Variants in RFTN2 observed in about 807,000 individuals in gnomAD.
RFTN2 encodes the protein raftlin family member 2, also known as raftlin-2.
Under a neutral mutation model 52.7 loss-of-function variants are expected in RFTN2, and 34 were observed. The ratio of observed to expected loss-of-function variants is 0.64; its 90% CI spans 0.49 to 0.86. The LOEUF (loss-of-function observed/expected upper bound fraction) is 0.86. Ranked by LOEUF, RFTN2 falls within the 40% of genes least tolerant of loss-of-function variation. RFTN2 has a pLI of 0.00. For missense variants in RFTN2, 536 were observed against 600.1 expected (o/e 0.89, Z 1.12); for synonymous variants, 203 against 217.7 (o/e 0.93, Z 0.59).
chr2:197,670,079 C>T (rs1199885310), intron 1 of RFTN2, among the ~76,000 whole-genome samples: 1 of 152,094 alleles, frequency 6.6e-6, no homozygotes, highest in Non-Finnish European at 1.5e-5. Flanking sequence ...AATTGTAGTT[C>T]CTCTGTTTCC....
chr2:197,608,801 G>C (rs898223979), intron 7 of RFTN2, among the ~76,000 whole-genome samples: 4 of 151,022 alleles, frequency 2.6e-5, no homozygotes, highest in East Asian at 1.9e-4. Context: ...CCCCACAACA[G>C]GCCCCAGTGT....
intron 1 of RFTN2, among the ~76,000 whole-genome samples, chr2:197,649,686 G>T (rs1055855857): frequency 1.3e-5 from 2 of 152,082 alleles, no homozygotes; most frequent in Non-Finnish European, 2.9e-5. Context: ...CAAGAACTCA[G>T]GGTTGAGAAA....
intron 5 of RFTN2, among the ~76,000 whole-genome samples, chr2:197,629,804 C>T (rs2088435549): frequency 6.6e-6 from 1 of 151,648 alleles, no homozygotes; most frequent in Non-Finnish European, 1.5e-5. Flanking sequence ...CTCACTGCAG[C>T]CTTGACCTCC....
rs2087301752 is a variant in RFTN2 at position 197,570,714 on chromosome 2, A to T, written c.*1294T>A. The T allele has an allele frequency of 6.6e-6, 1 of 152,232 alleles. No individual in the cohort carries two copies. Among genetic ancestry groups the T allele is most frequent in the Non-Finnish European group, 1.5e-5 (1 of 68,042 alleles). The allele number at this position is 152,232 out of a possible 1,614,324, so 9.4% of individuals were successfully genotyped here. ...CACTGCATTCCAGCCTGGGTGACAG[A>T]GTGAGACTCCGTCTCAAAAAAAGCC... On this transcript the variant is annotated 3_prime_UTR_variant, in exon 9 of 9. Coordinates refer to ENST00000295049, the MANE Select transcript of RFTN2 (RefSeq NM_144629.3).
chr2:197,602,516 C>T (rs533080544), intron 7 of RFTN2, among the ~76,000 whole-genome samples: 1 of 151,946 alleles, frequency 6.6e-6, no homozygotes, highest in South Asian at 2.1e-4. Flanking sequence ...AGTTGTTCTA[C>T]ATTCTTTAAG....
At chr2:197,590,819 C>A (rs1436315726) in intron 8 of RFTN2, among the ~76,000 whole-genome samples, 1 of 152,110 alleles carries the variant, frequency 6.6e-6, no homozygotes, top group East Asian at 1.9e-4. Context: ...TGGCTTCAGG[C>A]GTGAAGCTGC....
Position 197,675,534 on chromosome 2 carries a change from G to GTTGC in RFTN2, c.-77_-76insGCAA. On this transcript the variant is annotated 5_prime_UTR_variant, in exon 1 of 9. Transcript: ENST00000295049. ...AATTCTGTTGTTTAAGCTGCAAAAA[G>GTTGC]AAAGTTACAGACTTAACTGCTTTGA... is the stretch of plus-strand genomic sequence containing the variant. 1.4e-6 allele frequency: 1 copy of GTTGC among 697,638 alleles called. No homozygotes were observed. Among genetic ancestry groups the GTTGC allele is most frequent in the Non-Finnish European group, 1.8e-6 (1 of 552,786 alleles). 43.2% of individuals were successfully genotyped at this position (697,638 alleles called of 1,614,324 possible).
intron 3 of RFTN2, among the ~76,000 whole-genome samples, chr2:197,641,079 A>T (rs917225901): frequency 2.0e-5 from 3 of 152,218 alleles, no homozygotes; most frequent in Non-Finnish European, 4.4e-5. Context: ...AATGTTGTAA[A>T]TGTTACCTGG....
Position 197,615,873 on chromosome 2 carries a change from T to A in RFTN2, c.1154+3A>T, listed in dbSNP as rs2106210320. Reference sequence around the variant, plus strand: ...ATAGTATGTAAGGATACTTTTGCCTTACCTGTCATGTCTCAATACAGGTGT... The same window carrying A: ...ATAGTATGTAAGGATACTTTTGCCTAACCTGTCATGTCTCAATACAGGTGT... On this transcript the variant is annotated splice_donor_region_variant and intron_variant, in intron 7 of 8. Coordinates refer to ENST00000295049, the MANE Select transcript of RFTN2 (RefSeq NM_144629.3). The A allele has an allele frequency of 2.0e-6, 3 of 1,498,486 alleles. No individual in the cohort carries two copies. In the East Asian group the frequency reaches 7.3e-5, roughly 37 times the overall value. The allele number at this position is 1,498,486 out of a possible 1,614,324, so 92.8% of individuals were successfully genotyped here. A position where few individuals can be genotyped will look rare whatever the true frequency, so the allele number is the denominator to read the frequency against.
intron 7 of RFTN2, among the ~76,000 whole-genome samples, chr2:197,608,993 A>C (rs2088011043): frequency 6.6e-6 from 1 of 152,164 alleles, no homozygotes; most frequent in Non-Finnish European, 1.5e-5. Flanking sequence ...ATAGCATTGC[A>C]TGGTGTTTAT....
intron 8 of RFTN2, among the ~76,000 whole-genome samples, chr2:197,586,324 A>G (rs770431722): frequency 2.6e-5 from 4 of 152,044 alleles, no homozygotes; most frequent in Non-Finnish European, 5.9e-5. Context: ...CAGTTACCCT[A>G]TCAGTCCCCA....
At chr2:197,661,771 C>G (rs545685864) in intron 1 of RFTN2, among the ~76,000 whole-genome samples, 1 of 152,264 alleles carries the variant, frequency 6.6e-6, no homozygotes, top group African/African-American at 2.4e-5. Context: ...TATAAGAGTT[C>G]CCTTTTCTCT....
Position 197,570,361 on chromosome 2 carries a change from A to G in RFTN2, c.*1647T>C, listed in dbSNP as rs1235140345. 1 of 152,244 alleles carries G rather than the reference A, an allele frequency of 6.6e-6. No homozygotes were observed. The highest frequency in any genetic ancestry group is 1.5e-5 in the Non-Finnish European group (1 of 68,042). The allele number at this position is 152,244 out of a possible 1,614,324, so 9.4% of individuals were successfully genotyped here. ...ATTCCTGTTAATTTTATCAGCAATT[A>G]ATGGAGATTGACTTAGTTTAGATAC... On this transcript the variant is annotated 3_prime_UTR_variant, in exon 9 of 9. Transcript: ENST00000295049.
chr2:197,620,799 T>A (rs2088250895), intron 5 of RFTN2, among the ~76,000 whole-genome samples: 1 of 152,070 alleles, frequency 6.6e-6, no homozygotes, highest in Non-Finnish European at 1.5e-5. Context: ...AAAACCCATA[T>A]CTACTAAAAA....
At chr2:197,638,180 A>G (rs1216604549) in intron 3 of RFTN2, among the ~76,000 whole-genome samples, 1 of 133,188 alleles carries the variant, frequency 7.5e-6, no homozygotes, top group Non-Finnish European at 1.7e-5. Flanking sequence ...ATTTTGGAAT[A>G]GGTGTGGTGT....
At chr2:197,586,466 C>A (rs1023021826) in intron 8 of RFTN2, among the ~76,000 whole-genome samples, 1 of 152,214 alleles carries the variant, frequency 6.6e-6, no homozygotes, top group African/African-American at 2.4e-5. Context: ...TCTTCTTCCT[C>A]TGTGTATCCT....
chr2:197,654,044 C>T (rs1311046793), intron 1 of RFTN2, among the ~76,000 whole-genome samples: 3 of 152,160 alleles, frequency 2.0e-5, no homozygotes, highest in Non-Finnish European at 4.4e-5. Flanking sequence ...AAACTTATTA[C>T]ATTCTAGCTA....
chr2:197,619,865 C>CT (rs560114395), intron 5 of RFTN2, among the ~76,000 whole-genome samples: 2,055 of 139,230 alleles, frequency 0.015, 20 homozygotes, highest in Middle Eastern at 0.033. Flanking sequence ...AAGAGCAACA[C>CT]TTTTTTTTTT....
At chr2:197,659,845 C>G (rs1043126951) in intron 1 of RFTN2, among the ~76,000 whole-genome samples, 2 of 152,006 alleles carry the variant, frequency 1.3e-5, no homozygotes, top group African/African-American at 4.8e-5. Flanking sequence ...TGTATAAACA[C>G]TAGCAAGTCC....
Sources: gnomAD v4.1 joint callset for allele counts (sites outside exome capture counted in the v4.1 genomes callset) on GRCh38, gnomAD v4.1.1 for gene constraint, MANE v1.5 for transcripts, NCBI Gene and HGNC (gene_info 2026-07-23, HGNC 2026-07-21) for gene names.